Variants in ATP8B1 observed in about 807,000 individuals in gnomAD.
The protein encoded by ATP8B1 is phospholipid-transporting ATPase IC.
In ATP8B1, 80 loss-of-function variants were observed where a neutral mutation model predicts 149.9. The observed-to-expected ratio is 0.53, with a 90% CI of 0.45 to 0.64. The LOEUF is 0.64. ATP8B1 is among the 30% of genes least tolerant of loss of function. ATP8B1 has a pLI of 0.00. For missense variants in ATP8B1, 1,247 were observed against 1,552.6 expected (o/e 0.80, Z 3.31); for synonymous variants, 536 against 562.8 (o/e 0.95, Z 0.67).
At chr18:57,662,448 T>C (rs1008889229) in intron 21 of ATP8B1, 35 bp downstream of exon 21, 16 of 1,613,482 alleles carry the variant, frequency 9.9e-6, no homozygotes, top group Non-Finnish European at 1.4e-5. Context: ...TTCTTTCTTT[T>C]GAGTTAAAGG....
chr18:57,796,640 A>G (rs1313243732), intron 1 of ATP8B1, among the ~76,000 whole-genome samples: 1 of 152,198 alleles, frequency 6.6e-6, no homozygotes, highest in African/African-American at 2.4e-5. Flanking sequence ...AAGTGAGTAA[A>G]TATTTAAACC....
intron 1 of ATP8B1, among the ~76,000 whole-genome samples, chr18:57,781,451 C>T (rs1028453348): frequency 1.3e-5 from 2 of 152,114 alleles, no homozygotes; most frequent in African/African-American, 4.8e-5. Context: ...ATCCAAAATT[C>T]TTTATTTTTA....
chr18:57,735,682 G>GTA (rs2079843751), intron 1 of ATP8B1: 4 of 152,034 alleles, frequency 2.6e-5, no homozygotes, highest in African/African-American at 9.7e-5. Flanking sequence ...ATACTTTCAT[G>GTA]GTTTATACTA....
chr18:57,651,141 C>T (rs1369307398), intron 26 of ATP8B1, among the ~76,000 whole-genome samples: 4 of 152,166 alleles, frequency 2.6e-5, no homozygotes, highest in Non-Finnish European at 5.9e-5. Context: ...GGGTCTCACT[C>T]TGTTACCCAC....
intron 8 of ATP8B1, 28 bp downstream of exon 8, chr18:57,697,590 T>A (rs761311766): frequency 6.2e-7 from 1 of 1,610,404 alleles, no homozygotes; most frequent in South Asian, 1.1e-5. Context: ...AGGCCAGCTT[T>A]AAATCAGGCC....
intron 2 of ATP8B1, among the ~76,000 whole-genome samples, chr18:57,721,525 T>G (rs2079646460): frequency 6.6e-6 from 1 of 151,830 alleles, no homozygotes; most frequent in Admixed American, 6.6e-5. Flanking sequence ...GGTAAAGGGA[T>G]CAATTCGACA....
chr18:57,652,984 GA>G (rs942606629), intron 24 of ATP8B1, among the ~76,000 whole-genome samples: 2 of 152,262 alleles, frequency 1.3e-5, no homozygotes, highest in African/African-American at 4.8e-5. Flanking sequence ...CTTATGGAAA[GA>G]AAACAAATTA....
At chr18:57,760,043 C>T (rs1338082152) in intron 1 of ATP8B1, among the ~76,000 whole-genome samples, 3 of 152,138 alleles carry the variant, frequency 2.0e-5, no homozygotes, top group Non-Finnish European at 2.9e-5. Flanking sequence ...AAGAAGCTAT[C>T]ACTCCAAACC....
chr18:57,652,775 G>T (rs1313808779), intron 24 of ATP8B1, 46 bp from the exon 25 acceptor site: 17 of 1,612,750 alleles, frequency 1.1e-5, no homozygotes, highest in Non-Finnish European at 1.4e-5. Context: ...TCAGGTCAAA[G>T]CAGTCAGAGA....
At chr18:57,737,135 G>C (rs1424959431) in intron 1 of ATP8B1, 1 of 152,014 alleles carries the variant, frequency 6.6e-6, no homozygotes, top group Non-Finnish European at 1.5e-5. Context: ...TTTTAGAAGA[G>C]ACAGGGTTTT....
At chr18:57,653,682 CTTTTTTTTTTT>C (rs71171057) in intron 24 of ATP8B1, among the ~76,000 whole-genome samples, 1 of 117,824 alleles carries the variant, frequency 8.5e-6, no homozygotes, top group African/African-American at 3.4e-5. Flanking sequence ...CCTCTTTTCT[CTTTTTTTTTTT>C]TTTTTTTTTT....
rs72931797 is a variant in ATP8B1 at position 57,784,199 on chromosome 18, G to C, written c.-26+18799C>G. On this transcript the variant is annotated intron_variant, in intron 1 of 27. Coordinates refer to ENST00000648908, the MANE Select transcript of ATP8B1 (RefSeq NM_001374385.1). This position sits in a 1 kb window ranked among gnomAD's most constrained non-coding sequence, Gnocchi z 4.4. Reference sequence around the variant, plus strand: ...ACTCGTCATGCTTCAGAAACTGAAGGAGAAAAAGAATGGAATTTGCAGGGG... The same window carrying C: ...ACTCGTCATGCTTCAGAAACTGAAGCAGAAAAAGAATGGAATTTGCAGGGG... Among the ~76,000 whole-genome samples the C allele has an allele frequency of 0.25, 38,734 of 152,130 alleles. 6,009 individuals carry two copies. Among genetic ancestry groups the C allele is most frequent in the Non-Finnish European group, 0.36 (24,497 of 67,962 alleles).
rs754983094 is a variant in ATP8B1 at position 57,704,650 on chromosome 18, A to G, written c.298T>C (p.Tyr100His). 2.5e-6 allele frequency: 4 copies of G among 1,604,738 alleles called. No individual in the cohort carries two copies. Among genetic ancestry groups the G allele is most frequent in the Non-Finnish European group, 3.4e-6 (4 of 1,171,494 alleles). The change falls in exon 4 of 28, where the codon TAC becomes CAC. Residue 100 changes from tyrosine (Y) to histidine (H), a missense_variant. Physicochemically the swap from Tyr to His is moderately conservative, Grantham distance 83 (BLOSUM62 2). Around this residue, in one of 3 missense-constraint regions of ATP8B1, gnomAD observed 853 missense variants for 1,035.7 expected, o/e 0.82. Transcript: ENST00000648908. ...SKYANNAIKT[Y>H]KYNAFTFIPM... Reference sequence around the variant, plus strand: ...ATAAAGGTAAATGCGTTGTACTTGTATGTTTTAATTGCATTATTCTGTTGG... The same window carrying G: ...ATAAAGGTAAATGCGTTGTACTTGTGTGTTTTAATTGCATTATTCTGTTGG...
intron 16 of ATP8B1, among the ~76,000 whole-genome samples, chr18:57,674,223 C>G (rs545704172): frequency 9.2e-6 from 1 of 108,132 alleles, no homozygotes; most frequent in Non-Finnish European, 1.7e-5. Context: ...TCCTGGGTGA[C>G]GGAGCAAGAC....
chr18:57,681,667 G>C (rs774239659), intron 15 of ATP8B1, among the ~76,000 whole-genome samples: 13 of 152,024 alleles, frequency 8.6e-5, no homozygotes, highest in African/African-American at 2.7e-4. Flanking sequence ...TGGGCGTGGT[G>C]GTGGGCCCCT....
intron 14 of ATP8B1, 74 bp from the exon 15 acceptor site, chr18:57,684,266 T>G: frequency 6.7e-7 from 1 of 1,486,992 alleles, no homozygotes; most frequent in South Asian, 1.2e-5. Flanking sequence ...TGAACTTTTC[T>G]TCAAAGGCAA....
chr18:57,664,460 T>G (rs1910729044), intron 20 of ATP8B1, among the ~76,000 whole-genome samples: 1 of 137,372 alleles, frequency 7.3e-6, no homozygotes, highest in Non-Finnish European at 1.5e-5. Context: ...GAGCCAAGAT[T>G]GCACCACTGC....
chr18:57,663,204 T>C (rs1910603487), intron 20 of ATP8B1, among the ~76,000 whole-genome samples: 2 of 152,252 alleles, frequency 1.3e-5, no homozygotes, highest in South Asian at 4.1e-4. Context: ...TTTCTGTGAC[T>C]GGTTTATTTC....
intron 15 of ATP8B1, among the ~76,000 whole-genome samples, chr18:57,677,343 C>T (rs1434267409): frequency 6.6e-6 from 1 of 152,222 alleles, no homozygotes; most frequent in Non-Finnish European, 1.5e-5. Context: ...AAAAAATACT[C>T]TGCCTACCCA....
Sources: allele counts gnomAD v4.1 joint callset (sites outside exome capture counted in the v4.1 genomes callset), GRCh38; gene constraint gnomAD v4.1.1; regional missense constraint gnomAD v4.1.1; non-coding constraint Gnocchi (gnomAD v3.1); transcripts MANE v1.5; gene names NCBI Gene and HGNC (gene_info 2026-07-23, HGNC 2026-07-21).